Variants in FOXM1 observed in about 807,000 individuals in gnomAD.
FOXM1 encodes forkhead box M1.
FOXM1 carries 25 observed loss-of-function variants against 63.6 expected under a neutral mutation model. The ratio of observed to expected loss-of-function variants is 0.39; its 90% CI spans 0.29 to 0.55. The LOEUF (loss-of-function observed/expected upper bound fraction) is 0.55. Ranked by LOEUF, FOXM1 falls within the 20% of genes least tolerant of loss-of-function variation. FOXM1 has a pLI of 0.60. For synonymous variants in FOXM1, 387 were observed against 376.9 expected (o/e 1.03, Z -0.31); for missense variants, 879 against 958.7 (o/e 0.92, Z 1.10).
At chr12:2,866,606 G>T in intron 4 of FOXM1, 85 bp from the exon 5 acceptor site, 1 of 1,391,630 alleles carries the variant, frequency 7.2e-7, no homozygotes, top group Non-Finnish European at 9.5e-7. Flanking sequence ...ACCAGCCTCA[G>T]GCCCCTCCCA....
In FOXM1 at chr12:2,872,154, C is replaced by T. The variant is rs781204794; in HGVS notation, c.596G>A (p.Ser199Asn). The T allele has an allele frequency of 6.2e-7, 1 of 1,614,180 alleles. No individual in the cohort carries two copies. Among genetic ancestry groups the T allele is most frequent in the Non-Finnish European group, 8.5e-7 (1 of 1,180,034 alleles). Reference protein sequence around the residue: ...KMSSDGLGSRSIKQEMEEKEN... With the variant: ...KMSSDGLGSRNIKQEMEEKEN... Reference sequence around the variant, plus strand: ...CTTTTCCTCCATCTCTTGCTTGATGCTGCGGGAGCCCAGTCCATCAGAACT... The same window carrying T: ...CTTTTCCTCCATCTCTTGCTTGATGTTGCGGGAGCCCAGTCCATCAGAACT... Residue 199 changes from serine to asparagine, a missense_variant, in exon 3 of 9, where the codon AGC (serine) becomes AAC (asparagine). This residue lies in a region of FOXM1 where 255 missense variants were observed against 292.4 expected (regional missense o/e 0.87). Coordinates refer to ENST00000359843, the MANE Select transcript of FOXM1 (RefSeq NM_021953.4). This position sits in a 1 kb window ranked among gnomAD's most constrained non-coding sequence, Gnocchi z 4.0.
chr12:2,870,556 G>A lies in FOXM1; in HGVS notation c.654+1540C>T, dbSNP rs377493714. On this transcript the variant is annotated intron_variant, in intron 3 of 8. Coordinates refer to ENST00000359843, the MANE Select transcript of FOXM1 (RefSeq NM_021953.4). ...CGGGCGCCTATAGTCCCAGCTACTC[G>A]GGAGGCTGAGGCAGGAGAATCACTT... 2.6e-4 allele frequency among the ~76,000 whole-genome samples: 37 copies of A among 140,080 alleles called. No individual in the cohort carries two copies. The South Asian group carries it at 5.9e-3, about 22-fold the overall frequency. 91.9% of individuals were successfully genotyped at this position (140,080 alleles called of 152,430 possible).
chr12:2,860,200 G>C (rs2098107975), intron 8 of FOXM1, among the ~76,000 whole-genome samples: 1 of 152,250 alleles, frequency 6.6e-6, no homozygotes, highest in East Asian at 1.9e-4. Flanking sequence ...TTTTACTGTG[G>C]CAAGAGATAC....
chr12:2,859,659 A>G lies in FOXM1; in HGVS notation c.1271T>C (p.Leu424Pro), dbSNP rs921890135. ...SKRVRIAPKV[L>P]LAEEGIAPLS... ...AGGAGCTATCCCCTCCTCAGCTAGC[A>G]GCACCTGAAAGGGAAACAGAGATAA... The change falls in exon 9 of 9, where the codon CTG becomes CCG. Residue 424 changes from leucine to proline, a missense_variant. Leu to Pro is a moderately conservative substitution (Grantham distance 98, BLOSUM62 -3). Coordinates refer to ENST00000359843, the MANE Select transcript of FOXM1 (RefSeq NM_021953.4). The G allele has an allele frequency of 1.2e-6, 2 of 1,602,218 alleles. No homozygotes were observed. Among genetic ancestry groups the G allele is most frequent in the Middle Eastern group, 1.7e-4 (1 of 5,906 alleles).
At chr12:2,867,979 C>CAAA (rs60064456) in intron 4 of FOXM1, among the ~76,000 whole-genome samples, 3 of 68,268 alleles carry the variant, frequency 4.4e-5, no homozygotes, top group African/African-American at 5.2e-5. Context: ...GACTCTGTCT[C>CAAA]AAAAAAAAAA....
In FOXM1 at chr12:2,864,588, C is replaced by G. The variant is rs982860835; in HGVS notation, c.1091-93G>C. On this transcript the variant is annotated intron_variant, in intron 7 of 8. Transcript: ENST00000359843. The surrounding 1 kb of genome is among the most constrained non-coding windows in gnomAD (Gnocchi z 5.1). ...TTGCTCTCCTTCTCTGGGCTCAGAT[C>G]CCTTTGAGGTGGGAACAGAATCCCA... 8.8e-6 allele frequency: 14 copies of G among 1,581,956 alleles called. No individual in the cohort carries two copies. Among genetic ancestry groups the G allele is most frequent in the Non-Finnish European group, 1.2e-5 (14 of 1,152,468 alleles).
chr12:2,858,185 G>A lies in FOXM1; in HGVS notation c.*453C>T, dbSNP rs749744992. 1.3e-5 allele frequency: 2 copies of A among 157,288 alleles called. No individual in the cohort carries two copies. The highest frequency in any genetic ancestry group is 4.8e-5 in the African/African-American group (2 of 41,470). The allele number at this position is 157,288 out of a possible 1,614,324, so 9.7% of individuals were successfully genotyped here. ...CTATCAAAACTAAAAGCAAGGAACA[G>A]AAGTCAATTGAAACCCCAGGTCATC... is the stretch of plus-strand genomic sequence containing the variant. On this transcript the variant is annotated 3_prime_UTR_variant, in exon 9 of 9. Transcript: ENST00000359843.
In FOXM1 at chr12:2,858,461, C is replaced by T. The variant is rs923942157; in HGVS notation, c.*177G>A. 18 of 589,708 alleles carry T rather than the reference C, an allele frequency of 3.1e-5. No homozygotes were observed. Among genetic ancestry groups the T allele is most frequent in the Non-Finnish European group, 4.8e-5 (16 of 336,084 alleles). 36.5% of individuals were successfully genotyped at this position (589,708 alleles called of 1,614,324 possible). ...AGAGGAATCAGATACTCTTGGGGAA[C>T]ACAAGGTCCCAGCAGTGGCTAGGGT... is the stretch of plus-strand genomic sequence containing the variant. On this transcript the variant is annotated 3_prime_UTR_variant, in exon 9 of 9. Coordinates refer to ENST00000359843, the MANE Select transcript of FOXM1 (RefSeq NM_021953.4).
rs1201480169 is a variant in FOXM1, at chr12:2,858,970, G to A, written c.1960C>T (p.Leu654=). 4 of 1,613,490 alleles carry A rather than the reference G, an allele frequency of 2.5e-6. No individual in the cohort carries two copies. In the Admixed American group the frequency reaches 6.7e-5, roughly 27 times the overall value. The change falls in exon 9 of 9, where the codon CTG becomes TTG. Residue 654 remains leucine, a synonymous_variant. Transcript: ENST00000359843. ...QGASDPLPDP[L]GLMDLSTTPL... ...GTGGTGCTGAGATCCATCAGCCCCA[G>A]GGGGTCAGGCAAGGGGTCAGAGGCA...
chr12:2,873,398 CA>C (rs1189846694), intron 2 of FOXM1, among the ~76,000 whole-genome samples: 1,582 of 57,956 alleles, frequency 0.027, 27 homozygotes, highest in African/African-American at 0.066. Context: ...GACTCCATCT[CA>C]AAAAAAAAAA....
rs1464047985 is a variant in FOXM1, at chr12:2,873,981, G to A, written c.498C>T (p.Thr166=). 4.3e-6 allele frequency: 7 copies of A among 1,611,184 alleles called. No homozygotes were observed. Among genetic ancestry groups the A allele is most frequent in the Non-Finnish European group, 5.9e-6 (7 of 1,178,012 alleles). The part of the protein sequence containing the change: ...PGALCEQKRE[T]CADGEAAGCT... ...TTTCCCTGGAAGACCACATACCACAGGTCTCCCGTTTCTGCTCGCAAAGGG... is the reference window on the plus strand; with the variant it reads ...TTTCCCTGGAAGACCACATACCACAAGTCTCCCGTTTCTGCTCGCAAAGGG... The change falls in exon 2 of 9, where the codon ACC becomes ACT. Residue 166 remains threonine (T), a synonymous_variant. Coordinates refer to ENST00000359843, the MANE Select transcript of FOXM1 (RefSeq NM_021953.4).
chr12:2,872,921 G>A lies in FOXM1; in HGVS notation c.503-674C>T, dbSNP rs1603501820. Among the ~76,000 whole-genome samples the A allele has an allele frequency of 6.6e-6, 1 of 152,084 alleles. No individual in the cohort carries two copies. Among genetic ancestry groups the A allele is most frequent in the East Asian group, 1.9e-4 (1 of 5,174 alleles). On this transcript the variant is annotated intron_variant, in intron 2 of 8. Transcript: ENST00000359843. This position sits in a 1 kb window ranked among gnomAD's most constrained non-coding sequence, Gnocchi z 4.0. ...AAAAAAAAATTAACTGGGAATGATG[G>A]TGCATGCCTATAGTCCCAGCTACTT...
intron 3 of FOXM1, among the ~76,000 whole-genome samples, chr12:2,869,472 G>C (rs929654034): frequency 7.2e-6 from 1 of 138,258 alleles, no homozygotes; most frequent in Non-Finnish European, 1.5e-5. Context: ...TTTCACTCTT[G>C]TTGCCCAGGC....
Position 2,874,852 on chromosome 12 carries a change from CCTA to C in FOXM1, c.-47-330_-47-328del, listed in dbSNP as rs1356081552. Among the ~76,000 whole-genome samples, 1 of 151,986 alleles carries C rather than the reference CCTA, an allele frequency of 6.6e-6. No individual in the cohort carries two copies. Among genetic ancestry groups the C allele is most frequent in the Non-Finnish European group, 1.5e-5 (1 of 68,016 alleles). On this transcript the variant is annotated intron_variant, in intron 1 of 8. Transcript: ENST00000359843. The surrounding 1 kb of genome is among the most constrained non-coding windows in gnomAD (Gnocchi z 4.3). ...AAATATGTGGAAATCTCTATAATTG[CCTA>C]CTATAATATAAATAGATCACTTGCA... is the stretch of plus-strand genomic sequence containing the variant.
chr12:2,865,466 C>T (rs959504124), intron 5 of FOXM1, 67 bp from the exon 6 acceptor site: 9 of 1,360,476 alleles, frequency 6.6e-6, no homozygotes, highest in South Asian at 2.5e-5. Context: ...TCAATTTGAC[C>T]GGATTGGGAA....
Position 2,874,988 on chromosome 12 carries a change from A to ATT in FOXM1, c.-47-465_-47-464dup, listed in dbSNP as rs556937133. Among the ~76,000 whole-genome samples the ATT allele has an allele frequency of 2.9e-3, 374 of 127,114 alleles. No individual in the cohort carries two copies. The highest frequency in any genetic ancestry group is 7.7e-3 in the East Asian group (33 of 4,296). The allele number at this position is 127,114 out of a possible 152,430, so 83.4% of individuals were successfully genotyped here. A position where few individuals can be genotyped will look rare whatever the true frequency, so the allele number is the denominator to read the frequency against. On this transcript the variant is annotated intron_variant, in intron 1 of 8. Coordinates refer to ENST00000359843, the MANE Select transcript of FOXM1 (RefSeq NM_021953.4). This position sits in a 1 kb window ranked among gnomAD's most constrained non-coding sequence, Gnocchi z 4.3. ...AATCCATTCAAGACAAAGGATTTTA[A>ATT]TTTTTTTTTTTTTTTTTTTTTTGAG...
chr12:2,874,336 T>G lies in FOXM1; in HGVS notation c.143A>C (p.Lys48Thr), dbSNP rs1377658782. Residue 48 changes from lysine to threonine, a missense_variant, in exon 2 of 9, where the codon AAG (lysine) becomes ACG (threonine). Coordinates refer to ENST00000359843, the MANE Select transcript of FOXM1 (RefSeq NM_021953.4). This position sits in a 1 kb window ranked among gnomAD's most constrained non-coding sequence, Gnocchi z 4.3. ...GCAAGAGTTGGACTCTGCCACTTCC[T>G]TGGAGGCCTCTGCTTGATTAGACTC... ...QQESNQAEASKEVAESNSCKF... is the reference protein window; with the variant it reads ...QQESNQAEASTEVAESNSCKF... The G allele has an allele frequency of 3.7e-6, 6 of 1,614,096 alleles. No individual in the cohort carries two copies. The African/African-American group carries it at 8.0e-5, about 22-fold the overall frequency.
Position 2,874,240 on chromosome 12 carries a change from T to A in FOXM1, c.239A>T (p.Asn80Ile). The A allele has an allele frequency of 1.2e-6, 2 of 1,614,156 alleles. No individual in the cohort carries two copies. Among genetic ancestry groups the A allele is most frequent in the Non-Finnish European group, 1.7e-6 (2 of 1,180,030 alleles). ...MPNTQVVAIP[N>I]NANIHSIITA... Reference sequence around the variant, plus strand: ...GATGATGCTGTGAATATTAGCATTGTTGGGGATGGCCACTACTTGCGTGTT... The same window carrying A: ...GATGATGCTGTGAATATTAGCATTGATGGGGATGGCCACTACTTGCGTGTT... Residue 80 changes from asparagine to isoleucine, a missense_variant, in exon 2 of 9, where the codon AAC becomes ATC. This residue lies in a region of FOXM1 where 255 missense variants were observed against 292.4 expected (regional missense o/e 0.87). Transcript: ENST00000359843. The surrounding 1 kb of genome is among the most constrained non-coding windows in gnomAD (Gnocchi z 4.3).
chr12:2,860,326 T>G (rs11062387), intron 8 of FOXM1, among the ~76,000 whole-genome samples: 6 of 151,146 alleles, frequency 4.0e-5, no homozygotes, highest in African/African-American at 1.5e-4. Flanking sequence ...TACAAAAAAA[T>G]TTTTTTTAAT....
Sources: gnomAD v4.1 joint callset for allele counts (sites outside exome capture counted in the v4.1 genomes callset) on GRCh38, gnomAD v4.1.1 for gene constraint, gnomAD v4.1.1 regional missense constraint, Gnocchi (gnomAD v3.1) non-coding constraint, MANE v1.5 for transcripts, NCBI Gene and HGNC (gene_info 2026-07-23, HGNC 2026-07-21) for gene names.